SHOC2: variants seen among roughly 807,000 people sequenced by gnomAD.
SHOC2 encodes SHOC2 leucine rich repeat scaffold protein.
Under a neutral mutation model 50.2 loss-of-function variants are expected in SHOC2, and 4 were observed. The observed-to-expected ratio is 0.08, with a 90% CI of 0.04 to 0.18. The LOEUF (loss-of-function observed/expected upper bound fraction) is 0.18, where lower values mean the gene tolerates loss of function less well. SHOC2 is among the 10% of genes least tolerant of loss of function. The probability of loss-of-function intolerance (pLI) is 1.00; values close to 1 mark genes in which losing one functional copy is unlikely to be tolerated. For missense variants in SHOC2, 388 were observed against 669.6 expected (o/e 0.58, Z 4.64); for synonymous variants, 218 against 244.5 (o/e 0.89, Z 1.01).
chr10:110,976,052 A>G (rs568984499), intron 2 of SHOC2, among the ~76,000 whole-genome samples: 5 of 152,234 alleles, frequency 3.3e-5, no homozygotes, highest in African/African-American at 1.2e-4. Context: ...CTGGAATTAC[A>G]GGTGTACACT....
At chr10:111,002,886 C>CTTA (rs1848404935) in intron 4 of SHOC2, among the ~76,000 whole-genome samples, 1 of 152,004 alleles carries the variant, frequency 6.6e-6, no homozygotes, top group African/African-American at 2.4e-5. Flanking sequence ...TCAGTATTAA[C>CTTA]ATTTTATCAT....
At chr10:111,008,086 G>T (rs1249317341) in intron 6 of SHOC2, among the ~76,000 whole-genome samples, 1 of 148,002 alleles carries the variant, frequency 6.8e-6, no homozygotes, top group Non-Finnish European at 1.5e-5. Flanking sequence ...TGTCTTTGTT[G>T]TAAATCTGGT....
intron 1 of SHOC2, among the ~76,000 whole-genome samples, chr10:110,933,739 A>C (rs905696794): frequency 6.6e-6 from 1 of 152,216 alleles, no homozygotes; most frequent in Non-Finnish European, 1.5e-5. Context: ...TCAAGGCTGC[A>C]GTGCACACTG....
chr10:110,945,132 T>G (rs1230189390), intron 1 of SHOC2, among the ~76,000 whole-genome samples: 1 of 152,268 alleles, frequency 6.6e-6, no homozygotes, highest in Non-Finnish European at 1.5e-5. Context: ...TGTTATTCAC[T>G]GCCTCAAGTA....
At position 111,009,832 on chromosome 10, in the gene SHOC2, T is replaced by C; in HGVS notation, c.1540+2T>C. ...TTACTCACCTTCCTGAAGAAATTGG[T>C]ATGAACCCTGTGAATGCTTGACTCT... On this transcript the variant is annotated splice_donor_variant, in intron 8 of 8. Coordinates refer to ENST00000369452, the MANE Select transcript of SHOC2 (RefSeq NM_007373.4). LOFTEE classifies it high-confidence loss of function. The C allele has an allele frequency of 6.7e-7, 1 of 1,502,996 alleles. No homozygotes were observed. The highest frequency in any genetic ancestry group is 9.3e-7 in the Non-Finnish European group (1 of 1,078,620). 93.1% of individuals were successfully genotyped at this position (1,502,996 alleles called of 1,614,324 possible).
Position 110,951,045 on chromosome 10 carries a change from A to G in SHOC2, c.-234-13080A>G, listed in dbSNP as rs982083670. Among the ~76,000 whole-genome samples the G allele has an allele frequency of 5.9e-5, 9 of 152,370 alleles. No individual in the cohort carries two copies. In the East Asian group the frequency reaches 1.2e-3, roughly 20 times the overall value. On this transcript the variant is annotated intron_variant, in intron 1 of 8. Transcript: ENST00000369452. ...AGCGAAAATAGAGAAATGGTATTGC[A>G]TCAACTGAATAAGCTTCGGCACAGC...
In SHOC2 at chr10:111,013,235, A is replaced by G. The variant is rs541969990; in HGVS notation, c.*1417A>G. 6.6e-6 allele frequency: 1 copy of G among 151,846 alleles called. No homozygotes were observed. Among genetic ancestry groups the G allele is most frequent in the Non-Finnish European group, 1.5e-5 (1 of 67,966 alleles). The allele number at this position is 151,846 out of a possible 1,614,324, so 9.4% of individuals were successfully genotyped here. A position where few individuals can be genotyped will look rare whatever the true frequency, so the allele number is the denominator to read the frequency against. ...AGTCTCAGAGCAAGGTGCGTTCTAGATGTCATCCTAAAAAACACTTCATAT... is the reference window on the plus strand; with the variant it reads ...AGTCTCAGAGCAAGGTGCGTTCTAGGTGTCATCCTAAAAAACACTTCATAT... On this transcript the variant is annotated 3_prime_UTR_variant, in exon 9 of 9. Coordinates refer to ENST00000369452, the MANE Select transcript of SHOC2 (RefSeq NM_007373.4).
At chr10:110,931,344 T>C (rs1281539137) in intron 1 of SHOC2, among the ~76,000 whole-genome samples, 2 of 152,318 alleles carry the variant, frequency 1.3e-5, no homozygotes, top group African/African-American at 4.8e-5. Context: ...TCCATTTCTC[T>C]GTAAACAATA....
chr10:110,946,734 G>A (rs1039158790), intron 1 of SHOC2, among the ~76,000 whole-genome samples: 2 of 152,080 alleles, frequency 1.3e-5, no homozygotes, highest in African/African-American at 2.4e-5. Context: ...AGTACCTAGC[G>A]GGGAGAGTTG....
At chr10:110,920,908 G>A (rs1321028081) in intron 1 of SHOC2, among the ~76,000 whole-genome samples, 1 of 152,166 alleles carries the variant, frequency 6.6e-6, no homozygotes, top group Non-Finnish European at 1.5e-5. Flanking sequence ...TACCGAGTGC[G>A]TCTAGTTTCT....
intron 4 of SHOC2, 115 bp downstream of exon 4, chr10:111,000,660 A>C (rs1848355132): frequency 1.1e-6 from 1 of 930,522 alleles, no homozygotes; most frequent in Non-Finnish European, 1.7e-6. Context: ...TTGTTTAAAT[A>C]ATGAGTATGC....
intron 1 of SHOC2, among the ~76,000 whole-genome samples, chr10:110,941,940 A>G (rs1847153780): frequency 6.6e-6 from 1 of 152,216 alleles, no homozygotes. Flanking sequence ...GATTAGTTGA[A>G]TTAATTTTAT....
Position 111,009,389 on chromosome 10 carries a change from A to G in SHOC2, c.1422+4A>G. 3 of 1,605,778 alleles carry G rather than the reference A, an allele frequency of 1.9e-6. No homozygotes were observed. Among genetic ancestry groups the G allele is most frequent in the Non-Finnish European group, 2.6e-6 (3 of 1,173,076 alleles). ...TGCATATCTTAAGGATTTACAGGTA[A>G]ACATTATGCTGATTTTGTAGTTTTA... On this transcript the variant is annotated splice_donor_region_variant and intron_variant, in intron 7 of 8. Coordinates refer to ENST00000369452, the MANE Select transcript of SHOC2 (RefSeq NM_007373.4).
chr10:110,971,160 T>G (rs1448351998), intron 2 of SHOC2, among the ~76,000 whole-genome samples: 2 of 152,170 alleles, frequency 1.3e-5, no homozygotes, highest in Admixed American at 6.5e-5. Context: ...CTATGTTTCT[T>G]GTAGTAGTTT....
intron 2 of SHOC2, among the ~76,000 whole-genome samples, chr10:110,974,465 C>T (rs1847839497): frequency 6.6e-6 from 1 of 152,098 alleles, no homozygotes; most frequent in Non-Finnish European, 1.5e-5. Flanking sequence ...CAGTGTCATA[C>T]AGTGCTTGCA....
chr10:110,971,716 C>A (rs1489899849), intron 2 of SHOC2, among the ~76,000 whole-genome samples: 1 of 151,898 alleles, frequency 6.6e-6, no homozygotes, highest in Admixed American at 6.6e-5. Context: ...CTTTGAATTT[C>A]TTTCATTGTT....
chr10:110,989,342 C>T (rs1848139475), intron 3 of SHOC2, among the ~76,000 whole-genome samples: 1 of 152,102 alleles, frequency 6.6e-6, no homozygotes. Context: ...TTGTTTTAGT[C>T]TTAATGTTTA....
intron 1 of SHOC2, among the ~76,000 whole-genome samples, chr10:110,941,297 G>A (rs780733178): frequency 1.3e-5 from 2 of 150,990 alleles, no homozygotes; most frequent in Admixed American, 6.6e-5. Context: ...CTGAGTCTTT[G>A]CCCATTTTCT....
rs867364338 is a variant in SHOC2, at chr10:110,982,658, T to G, written c.704-2970T>G. On this transcript the variant is annotated intron_variant, in intron 2 of 8. Coordinates refer to ENST00000369452, the MANE Select transcript of SHOC2 (RefSeq NM_007373.4). ...TTTTGGCTGCATAAATGTCTTCTTT[T>G]GAGAAGTGTCTGTTCATGTCCTTTG... is the stretch of plus-strand genomic sequence containing the variant. Among the ~76,000 whole-genome samples, 206 of 152,232 alleles carry G rather than the reference T, an allele frequency of 1.4e-3. 1 individual carries two copies. Among genetic ancestry groups the G allele is most frequent in the African/African-American group, 4.7e-3 (196 of 41,558 alleles).
Sources: gnomAD v4.1 joint callset for allele counts (sites outside exome capture counted in the v4.1 genomes callset) on GRCh38, gnomAD v4.1.1 for gene constraint, MANE v1.5 for transcripts, NCBI Gene and HGNC (gene_info 2026-07-23, HGNC 2026-07-21) for gene names.